Variants in ERBB4 observed in about 807,000 individuals in gnomAD.
The protein encoded by ERBB4 is erb-b2 receptor tyrosine kinase 4.
ERBB4 carries 42 observed loss-of-function variants against 158.0 expected under a neutral mutation model. That is an observed-to-expected ratio of 0.27 (90% CI 0.21 to 0.34). The LOEUF is 0.34. ERBB4 is among the 10% of genes least tolerant of loss of function. ERBB4 has a pLI of 1.00. For missense variants in ERBB4, 1,333 were observed against 1,624.1 expected (o/e 0.82, Z 3.08); for synonymous variants, 583 against 558.7 (o/e 1.04, Z -0.61).
chr2:211,408,102 A>AATAC, intron 25 of ERBB4, among the ~76,000 whole-genome samples: 1 of 136,348 alleles, frequency 7.3e-6, no homozygotes, highest in African/African-American at 2.5e-5. Flanking sequence ...TAAATAAATA[A>AATAC]ATACATACAT....
At chr2:211,562,155 T>C (rs2067413997) in intron 19 of ERBB4, 67 bp from the exon 20 acceptor site, 1 of 1,339,718 alleles carries the variant, frequency 7.5e-7, no homozygotes, top group Non-Finnish European at 1.1e-6. Flanking sequence ...TTACTTGGAT[T>C]GTACTAATGG....
chr2:212,231,342 T>A (rs2083659417), intron 1 of ERBB4, among the ~76,000 whole-genome samples: 1 of 152,244 alleles, frequency 6.6e-6, no homozygotes, highest in Admixed American at 6.5e-5. Context: ...TGACATGTTT[T>A]AAGTCATTTG....
At chr2:212,438,577 A>G (rs1364424329) in intron 1 of ERBB4, among the ~76,000 whole-genome samples, 3 of 152,144 alleles carry the variant, frequency 2.0e-5, no homozygotes, top group Middle Eastern at 3.2e-3. Context: ...CACATACATA[A>G]AACAATTACA....
intron 13 of ERBB4, among the ~76,000 whole-genome samples, chr2:211,676,604 T>A (rs1429429862): frequency 6.6e-6 from 1 of 152,178 alleles, no homozygotes; most frequent in African/African-American, 2.4e-5. Flanking sequence ...AAAAATCAGA[T>A]ACCTTACGTT....
At position 211,413,309 on chromosome 2, in the gene ERBB4, A is replaced by AAAAAAAAAAAAAAAAAAC. The variant is rs1553524037; in HGVS notation, c.3135+7131_3135+7132insGTTTTTTTTTTTTTTTTT. Reference sequence around the variant, plus strand: ...GGACAGAGAGAGACCCTGTCTTAAAAACACACACACACACACACACACACA... The same window carrying AAAAAAAAAAAAAAAAAAC: ...GGACAGAGAGAGACCCTGTCTTAAAAAAAAAAAAAAAAAAAAACACACACACACACACACACACACACA... On this transcript the variant is annotated intron_variant, in intron 25 of 27. Transcript: ENST00000342788. Among the ~76,000 whole-genome samples, 188 of 94,548 alleles carry AAAAAAAAAAAAAAAAAAC rather than the reference A, an allele frequency of 2.0e-3. 8 individuals are homozygous for AAAAAAAAAAAAAAAAAAC. The highest frequency in any genetic ancestry group is 5.2e-3 in the Middle Eastern group (1 of 194). The allele number at this position is 94,548 out of a possible 152,430, so 62.0% of individuals were successfully genotyped here. A position where few individuals can be genotyped will look rare whatever the true frequency, so the allele number is the denominator to read the frequency against.
At chr2:212,415,230 G>A (rs966857449) in intron 1 of ERBB4, among the ~76,000 whole-genome samples, 6 of 152,092 alleles carry the variant, frequency 3.9e-5, no homozygotes, top group Non-Finnish European at 8.8e-5. Flanking sequence ...TATAAAAAAG[G>A]CCTGTTTAAC....
rs543364015 is a variant in ERBB4 at position 211,758,750 on chromosome 2, A to G, written c.557-8046T>C. On this transcript the variant is annotated intron_variant, in intron 4 of 27. Transcript: ENST00000342788. ...CAGAAGCATCTTTCAGATGTACTCAATCTACATGATAACCCTTGGAGGTGT... is the reference window on the plus strand; with the variant it reads ...CAGAAGCATCTTTCAGATGTACTCAGTCTACATGATAACCCTTGGAGGTGT... Among the ~76,000 whole-genome samples, 4 of 152,360 alleles carry G rather than the reference A, an allele frequency of 2.6e-5. No individual in the cohort carries two copies. In the South Asian group the frequency reaches 6.2e-4, roughly 24 times the overall value.
intron 3 of ERBB4, among the ~76,000 whole-genome samples, chr2:211,838,671 A>G (rs925531800): frequency 2.0e-5 from 3 of 152,152 alleles, no homozygotes; most frequent in Non-Finnish European, 4.4e-5. Context: ...TATTGTATGT[A>G]AACAAAATTC....
chr2:212,169,431 A>G (rs1408381827), intron 1 of ERBB4, among the ~76,000 whole-genome samples: 1 of 152,172 alleles, frequency 6.6e-6, no homozygotes, highest in East Asian at 1.9e-4. Flanking sequence ...TATTTAATGA[A>G]TGATGCTGGG....
intron 1 of ERBB4, among the ~76,000 whole-genome samples, chr2:212,127,316 G>T (rs2125577230): frequency 6.6e-6 from 1 of 152,264 alleles, no homozygotes; most frequent in African/African-American, 2.4e-5. Context: ...TTTTTTGCTG[G>T]GTGCAGCGGC....
At chr2:211,704,247 G>C (rs2073355631) in intron 10 of ERBB4, 53 bp from the exon 11 acceptor site, 2 of 1,137,148 alleles carry the variant, frequency 1.8e-6, no homozygotes, top group African/African-American at 3.0e-5. Flanking sequence ...CTTAGTATTA[G>C]TGCTGATTTT....
chr2:211,401,375 T>C (rs755144064), intron 25 of ERBB4, among the ~76,000 whole-genome samples: 4 of 152,064 alleles, frequency 2.6e-5, no homozygotes, highest in African/African-American at 4.8e-5. Flanking sequence ...TAGGTTGGCA[T>C]TGATTTTTTT....
chr2:211,553,218 C>T (rs2067150311), intron 20 of ERBB4, among the ~76,000 whole-genome samples: 1 of 152,142 alleles, frequency 6.6e-6, no homozygotes, highest in African/African-American at 2.4e-5. Context: ...ATTCACCCAC[C>T]TTGGCCTCCC....
intron 27 of ERBB4, among the ~76,000 whole-genome samples, chr2:211,386,273 T>C (rs1293379633): frequency 6.6e-6 from 1 of 152,216 alleles, no homozygotes; most frequent in Non-Finnish European, 1.5e-5. Flanking sequence ...AACCACAGAT[T>C]ATTATTTTCA....
At chr2:211,821,781 C>A (rs563308502) in intron 3 of ERBB4, among the ~76,000 whole-genome samples, 2 of 151,712 alleles carry the variant, frequency 1.3e-5, no homozygotes, top group African/African-American at 4.8e-5. Context: ...TAACAAATGG[C>A]GCTAGGAAAA....
intron 20 of ERBB4, among the ~76,000 whole-genome samples, chr2:211,460,750 C>G (rs2064509359): frequency 6.6e-6 from 1 of 151,610 alleles, no homozygotes; most frequent in Admixed American, 6.6e-5. Flanking sequence ...AAAACATTTT[C>G]CTGCATTAAA....
intron 3 of ERBB4, among the ~76,000 whole-genome samples, chr2:211,832,501 A>G (rs1419847007): frequency 6.6e-6 from 1 of 152,062 alleles, no homozygotes; most frequent in African/African-American, 2.4e-5. Context: ...AATGCATTAA[A>G]GATAAAAACT....
intron 2 of ERBB4, among the ~76,000 whole-genome samples, chr2:211,970,240 G>A (rs552436162): frequency 2.0e-5 from 3 of 152,244 alleles, no homozygotes; most frequent in East Asian, 1.9e-4. Context: ...TGATTGTGCT[G>A]TGGTACAAGA....
intron 22 of ERBB4, among the ~76,000 whole-genome samples, chr2:211,426,633 T>C (rs2063634367): frequency 1.3e-5 from 2 of 152,108 alleles, no homozygotes; most frequent in African/African-American, 4.8e-5. Flanking sequence ...ATTAAAAATA[T>C]GACTGTTCTG....
Sources: gnomAD v4.1 joint callset for allele counts (sites outside exome capture counted in the v4.1 genomes callset) on GRCh38, gnomAD v4.1.1 for gene constraint, MANE v1.5 for transcripts, NCBI Gene and HGNC (gene_info 2026-07-23, HGNC 2026-07-21) for gene names.